TBC1D22A: variants seen among roughly 807,000 people sequenced by gnomAD.
TBC1D22A encodes putative GTPase activator.
A neutral mutation model predicts 60.2 loss-of-function variants in TBC1D22A; 38 were observed. The ratio of observed to expected loss-of-function variants is 0.63; its 90% CI spans 0.49 to 0.83. The LOEUF (loss-of-function observed/expected upper bound fraction) is 0.83. Ranked by LOEUF, TBC1D22A falls within the 40% of genes least tolerant of loss-of-function variation. The pLI is 0.00. For synonymous variants in TBC1D22A, 302 were observed against 281.7 expected, an observed-to-expected ratio of 1.07 and a Z score of -0.72; for missense variants, 628 against 701.0, an observed-to-expected ratio of 0.90 and a Z score of 1.18.
intron 6 of TBC1D22A, among the ~76,000 whole-genome samples, chr22:46,893,442 A>T (rs574849977): frequency 6.6e-6 from 1 of 152,268 alleles, no homozygotes; most frequent in South Asian, 2.1e-4. Context: ...AATGGGGATG[A>T]TGGCAGGGGT....
chr22:47,153,041 C>T (rs5767543), intron 12 of TBC1D22A, among the ~76,000 whole-genome samples: 77,318 of 152,132 alleles, frequency 0.51, 21,519 homozygotes, highest in East Asian at 0.76. Context: ...ACAGCAGCCT[C>T]GGTGCTTTCA....
chr22:46,793,144 C>T (rs993464943), intron 2 of TBC1D22A, among the ~76,000 whole-genome samples: 6 of 152,236 alleles, frequency 3.9e-5, no homozygotes, highest in African/African-American at 7.2e-5. Flanking sequence ...CCTGCACAGG[C>T]GCTCCTGGCC....
intron 4 of TBC1D22A, among the ~76,000 whole-genome samples, chr22:46,831,364 A>G (rs1405942926): frequency 6.6e-6 from 1 of 152,138 alleles, no homozygotes; most frequent in African/African-American, 2.4e-5. Flanking sequence ...AGGCCCACAG[A>G]GGTCAAGATA....
intron 11 of TBC1D22A, among the ~76,000 whole-genome samples, chr22:47,059,810 T>G (rs372767983): frequency 2.0e-5 from 3 of 152,092 alleles, no homozygotes; most frequent in Non-Finnish European, 4.4e-5. Flanking sequence ...AGGGATCTTA[T>G]GATTATTACT....
intron 8 of TBC1D22A, among the ~76,000 whole-genome samples, chr22:46,940,267 C>A (rs995202715): frequency 1.3e-5 from 2 of 152,238 alleles, no homozygotes; most frequent in South Asian, 2.1e-4. Context: ...TCACTACAGA[C>A]CTTCAGTTTG....
intron 10 of TBC1D22A, among the ~76,000 whole-genome samples, chr22:47,006,384 A>G (rs894869968): frequency 6.6e-6 from 1 of 152,188 alleles, no homozygotes; most frequent in African/African-American, 2.4e-5. Flanking sequence ...CTGCCATCTT[A>G]TTATTCTCTG....
At chr22:46,869,556 C>T (rs1042204352) in intron 4 of TBC1D22A, among the ~76,000 whole-genome samples, 2 of 152,178 alleles carry the variant, frequency 1.3e-5, no homozygotes, top group African/African-American at 4.8e-5. Context: ...ACACAGGGGG[C>T]ATGCTCAGCA....
At chr22:46,984,286 G>C (rs1291042294) in intron 9 of TBC1D22A, among the ~76,000 whole-genome samples, 1 of 140,510 alleles carries the variant, frequency 7.1e-6, no homozygotes, top group Non-Finnish European at 1.5e-5. Flanking sequence ...AGAATTGCTT[G>C]AACCTGGGAG....
intron 7 of TBC1D22A, among the ~76,000 whole-genome samples, chr22:46,904,763 C>T (rs541010509): frequency 2.6e-5 from 4 of 151,176 alleles, no homozygotes; most frequent in African/African-American, 4.9e-5. Context: ...CCACTGCACC[C>T]GGCCGAGAAA....
At chr22:47,004,070 C>T (rs1174300756) in intron 10 of TBC1D22A, among the ~76,000 whole-genome samples, 2 of 151,578 alleles carry the variant, frequency 1.3e-5, no homozygotes, top group African/African-American at 4.9e-5. Context: ...CCCCTACACA[C>T]ATGCCTGTAT....
rs528398997 is a variant in TBC1D22A at position 46,963,217 on chromosome 22, C to T, written c.1016-11073C>T. Among the ~76,000 whole-genome samples, 11 of 133,726 alleles carry T rather than the reference C, an allele frequency of 8.2e-5. No homozygotes were observed. The East Asian group carries it at 1.3e-3, about 15-fold the overall frequency. 87.7% of individuals were successfully genotyped at this position (133,726 alleles called of 152,430 possible). A position where few individuals can be genotyped will look rare whatever the true frequency, so the allele number is the denominator to read the frequency against. On this transcript the variant is annotated intron_variant, in intron 8 of 12. Transcript: ENST00000337137. ...TAGCCCGGGTGACAGAGCAAGACTC[C>T]GTCTCAAAAAAAAAAAAAAAAAATC...
In TBC1D22A at chr22:47,162,987, A is replaced by G. The variant is rs1240660101; in HGVS notation, c.1426-10511A>G. On this transcript the variant is annotated intron_variant, in intron 12 of 12. Coordinates refer to ENST00000337137, the MANE Select transcript of TBC1D22A (RefSeq NM_014346.5). ...ACGCCCAATCTGCGAACCCCACCTC[A>G]GGTGGGAACCCTGCTCCCTAGAAAT... Among the ~76,000 whole-genome samples, 16 of 152,376 alleles carry G rather than the reference A, an allele frequency of 1.1e-4. No individual in the cohort carries two copies. In the East Asian group the frequency reaches 2.9e-3, roughly 28 times the overall value.
intron 11 of TBC1D22A, among the ~76,000 whole-genome samples, chr22:47,082,183 C>T (rs887942796): frequency 2.6e-5 from 4 of 152,014 alleles, no homozygotes; most frequent in Non-Finnish European, 4.4e-5. Context: ...ATTAACTGTC[C>T]GCAAACTGAT....
chr22:47,033,033 T>C (rs953982162), intron 10 of TBC1D22A, among the ~76,000 whole-genome samples: 1 of 152,082 alleles, frequency 6.6e-6, no homozygotes, highest in Non-Finnish European at 1.5e-5. Flanking sequence ...TGCTCCTTCA[T>C]GGAAGCTCAT....
intron 1 of TBC1D22A, among the ~76,000 whole-genome samples, chr22:46,765,939 A>G (rs1416273490): frequency 6.8e-6 from 1 of 146,496 alleles, no homozygotes; most frequent in Non-Finnish European, 1.5e-5. Flanking sequence ...GGCACTGGCC[A>G]CCACGCCCAG....
chr22:46,978,007 G>A (rs1007165966), intron 9 of TBC1D22A, among the ~76,000 whole-genome samples: 1 of 152,218 alleles, frequency 6.6e-6, no homozygotes, highest in African/African-American at 2.4e-5. Flanking sequence ...CACGCATTGT[G>A]GGACTCCTTA....
intron 4 of TBC1D22A, among the ~76,000 whole-genome samples, chr22:46,806,944 T>C (rs1337519407): frequency 6.6e-6 from 1 of 152,192 alleles, no homozygotes; most frequent in African/African-American, 2.4e-5. Flanking sequence ...GCCGAGCAAA[T>C]GTGTGCAGAG....
At chr22:46,783,847 T>A (rs1044775132) in intron 1 of TBC1D22A, among the ~76,000 whole-genome samples, 6 of 152,208 alleles carry the variant, frequency 3.9e-5, no homozygotes, top group East Asian at 1.9e-4. Context: ...AAATTTTTTT[T>A]ATCTTTTTTA....
intron 4 of TBC1D22A, among the ~76,000 whole-genome samples, chr22:46,858,576 A>G (rs1381484683): frequency 6.6e-6 from 1 of 152,240 alleles, no homozygotes; most frequent in Non-Finnish European, 1.5e-5. Context: ...GTGTTCCTGC[A>G]GAGGCGCCTG....
Sources: allele counts gnomAD v4.1 joint callset (sites outside exome capture counted in the v4.1 genomes callset), GRCh38; gene constraint gnomAD v4.1.1; transcripts MANE v1.5; gene names NCBI Gene and HGNC (gene_info 2026-07-23, HGNC 2026-07-21).